Variants in RFX4 observed in about 807,000 individuals in gnomAD.
RFX4 encodes the protein transcription factor RFX4.
Under a neutral mutation model 95.0 loss-of-function variants are expected in RFX4, and 10 were observed. The ratio of observed to expected loss-of-function variants is 0.11; its 90% CI spans 0.06 to 0.18. RFX4 has a LOEUF of 0.18. Ranked by LOEUF, RFX4 falls within the 10% of genes least tolerant of loss-of-function variation. RFX4 has a pLI of 1.00. For missense variants in RFX4, 640 were observed against 922.0 expected (o/e 0.69, Z 3.96); for synonymous variants, 321 against 340.7 (o/e 0.94, Z 0.64).
intron 15 of RFX4, among the ~76,000 whole-genome samples, chr12:106,734,364 G>A (rs1163253820): frequency 6.6e-6 from 1 of 152,164 alleles, no homozygotes; most frequent in Non-Finnish European, 1.5e-5. Flanking sequence ...GGGAGGCCGA[G>A]GTGGGTGGAT....
chr12:106,583,626 C>T (rs1420615565), intron 1 of RFX4: 3 of 356,234 alleles, frequency 8.4e-6, no homozygotes, highest in Non-Finnish European at 1.5e-5. Context: ...TTTCGCTTGC[C>T]CTGGACACAA....
intron 4 of RFX4, among the ~76,000 whole-genome samples, chr12:106,657,727 C>T (rs965890343): frequency 5.3e-5 from 8 of 152,034 alleles, no homozygotes; most frequent in African/African-American, 1.9e-4. Flanking sequence ...CTTATGAGGG[C>T]GTTTTTTGAA....
intron 13 of RFX4, among the ~76,000 whole-genome samples, chr12:106,723,393 T>C (rs1198782736): frequency 1.3e-5 from 2 of 152,198 alleles, no homozygotes; most frequent in Non-Finnish European, 2.9e-5. Flanking sequence ...AGATCTCAAG[T>C]TGGTGCCAGC....
At chr12:106,688,328 A>G (rs2041708810) in intron 6 of RFX4, among the ~76,000 whole-genome samples, 1 of 152,110 alleles carries the variant, frequency 6.6e-6, no homozygotes, top group Non-Finnish European at 1.5e-5. Context: ...TCGGCCTCCC[A>G]AAGTGCTGGG....
chr12:106,739,771 T>C (rs913131777), intron 15 of RFX4, among the ~76,000 whole-genome samples: 1 of 152,206 alleles, frequency 6.6e-6, no homozygotes, highest in African/African-American at 2.4e-5. Flanking sequence ...AGATCTAGCC[T>C]GTCTGTCCAT....
chr12:106,698,460 T>C (rs1322078193), intron 8 of RFX4, among the ~76,000 whole-genome samples: 1 of 152,100 alleles, frequency 6.6e-6, no homozygotes, highest in African/African-American at 2.4e-5. Context: ...AAAAAAAAAT[T>C]TGTAGAGATA....
chr12:106,702,054 ATTAT>A (rs761937611), intron 8 of RFX4, among the ~76,000 whole-genome samples: 1 of 152,036 alleles, frequency 6.6e-6, no homozygotes, highest in Non-Finnish European at 1.5e-5. Flanking sequence ...TATAGTAGTA[ATTAT>A]TTATGTGTTC....
intron 4 of RFX4, among the ~76,000 whole-genome samples, chr12:106,680,157 G>C (rs893491913): frequency 1.3e-5 from 2 of 152,146 alleles, no homozygotes; most frequent in Non-Finnish European, 2.9e-5. Context: ...TGATGCTATC[G>C]TATTAGATTC....
At chr12:106,708,906 G>A (rs900586877) in intron 8 of RFX4, among the ~76,000 whole-genome samples, 6 of 152,126 alleles carry the variant, frequency 3.9e-5, no homozygotes, top group African/African-American at 4.8e-5. Flanking sequence ...ACCAAATGGC[G>A]AGCAGTTTGG....
At chr12:106,600,393 T>A (rs2039684024) in intron 1 of RFX4, among the ~76,000 whole-genome samples, 1 of 152,098 alleles carries the variant, frequency 6.6e-6, no homozygotes, top group South Asian at 2.1e-4. Flanking sequence ...CCCCCCTTTT[T>A]TTCTCTCGCG....
At chr12:106,618,933 A>G (rs2040126406) in intron 2 of RFX4, among the ~76,000 whole-genome samples, 3 of 152,212 alleles carry the variant, frequency 2.0e-5, no homozygotes, top group Non-Finnish European at 2.9e-5. Flanking sequence ...AGGGATTACA[A>G]TATGCATTTT....
At chr12:106,685,367 G>A (rs2041622757) in intron 5 of RFX4, among the ~76,000 whole-genome samples, 1 of 152,130 alleles carries the variant, frequency 6.6e-6, no homozygotes, top group Non-Finnish European at 1.5e-5. Flanking sequence ...CTTACTCACT[G>A]GCTGATCTTG....
intron 16 of RFX4, 77 bp from the exon 17 acceptor site, chr12:106,750,578 T>A: frequency 4.7e-6 from 6 of 1,283,890 alleles, no homozygotes; most frequent in South Asian, 5.3e-5. Context: ...AAAAAATAGA[T>A]GAGGTTTTTA....
chr12:106,674,849 G>A (rs1365274609), intron 4 of RFX4, among the ~76,000 whole-genome samples: 1 of 152,188 alleles, frequency 6.6e-6, no homozygotes, highest in Non-Finnish European at 1.5e-5. Flanking sequence ...ATCTGCTGGT[G>A]AATGAATCCC....
chr12:106,711,611 A>C, intron 10 of RFX4, 100 bp downstream of exon 10: 1 of 912,334 alleles, frequency 1.1e-6, no homozygotes, highest in Non-Finnish European at 1.8e-6. Flanking sequence ...TCAGGTTAAC[A>C]GGGCACTCTC....
intron 15 of RFX4, among the ~76,000 whole-genome samples, chr12:106,739,020 T>G (rs1188261445): frequency 6.9e-6 from 1 of 144,514 alleles, no homozygotes; most frequent in African/African-American, 2.4e-5. Context: ...TTTATTTCTA[T>G]TTTAAAATTA....
rs1233862103 is a variant in RFX4, at chr12:106,719,103, C to T, written c.1139-857C>T. On this transcript the variant is annotated intron_variant, in intron 11 of 17. Coordinates refer to ENST00000392842, the MANE Select transcript of RFX4 (RefSeq NM_213594.3). Reference sequence around the variant, plus strand: ...CGCCACTGCACTCCAGCCTGGGCAACAAGGCGAGACTCCATCTCAAAAACA... The same window carrying T: ...CGCCACTGCACTCCAGCCTGGGCAATAAGGCGAGACTCCATCTCAAAAACA... Among the ~76,000 whole-genome samples, 3 of 152,112 alleles carry T rather than the reference C, an allele frequency of 2.0e-5. No individual in the cohort carries two copies. The South Asian group carries it at 6.2e-4, about 32-fold the overall frequency.
chr12:106,583,202 G>T lies in RFX4; in HGVS notation c.-119G>T. 5.6e-6 allele frequency: 5 copies of T among 890,290 alleles called. No individual in the cohort carries two copies. The highest frequency in any genetic ancestry group is 4.2e-5 in the South Asian group (2 of 47,238). The allele number at this position is 890,290 out of a possible 1,614,324, so 55.1% of individuals were successfully genotyped here. On this transcript the variant is annotated 5_prime_UTR_variant, in exon 1 of 18. Transcript: ENST00000392842. ...TTATCCTTGTGCCCCCTCACTTTCT[G>T]CGTCTCTCTCTCTCCCCTTCTCCCT... is the stretch of plus-strand genomic sequence containing the variant.
chr12:106,711,538 A>G (rs984126397), intron 10 of RFX4, 27 bp downstream of exon 10: 3 of 1,605,678 alleles, frequency 1.9e-6, no homozygotes, highest in Non-Finnish European at 2.6e-6. Flanking sequence ...ATGTGTTTTA[A>G]TCACTGCTGA....
Sources: allele counts gnomAD v4.1 joint callset (sites outside exome capture counted in the v4.1 genomes callset), GRCh38; gene constraint gnomAD v4.1.1; transcripts MANE v1.5; gene names NCBI Gene and HGNC (gene_info 2026-07-23, HGNC 2026-07-21).